Variants in TBC1D12 observed in about 807,000 individuals in gnomAD.
TBC1D12 encodes TBC1 domain family member 12.
In TBC1D12, 56 loss-of-function variants were observed where a neutral mutation model predicts 86.7. That is an observed-to-expected ratio of 0.65 (90% CI 0.52 to 0.81). The LOEUF is 0.81. Ranked by LOEUF, TBC1D12 falls within the 30% of genes least tolerant of loss-of-function variation. The probability of loss-of-function intolerance (pLI) is 0.00; values close to 1 mark genes in which losing one functional copy is unlikely to be tolerated. For missense variants in TBC1D12, 1,023 were observed against 1,038.8 expected, an observed-to-expected ratio of 0.98 and a Z score of 0.21; for synonymous variants, 421 against 411.7, an observed-to-expected ratio of 1.02 and a Z score of -0.27.
chr10:94,478,488 A>G (rs1165138670), intron 3 of TBC1D12, among the ~76,000 whole-genome samples: 1 of 152,106 alleles, frequency 6.6e-6, no homozygotes, highest in Non-Finnish European at 1.5e-5. Flanking sequence ...GCAGGGGCAG[A>G]CCATGAGGTC....
At chr10:94,513,308 C>A (rs2134209957) in intron 9 of TBC1D12, among the ~76,000 whole-genome samples, 1 of 151,372 alleles carries the variant, frequency 6.6e-6, no homozygotes, top group Non-Finnish European at 1.5e-5. Context: ...TAAATCCCAG[C>A]ACTTTGGGAG....
rs1037395408 is a variant in TBC1D12, at chr10:94,535,687, G to C, written c.*2591G>C. On this transcript the variant is annotated 3_prime_UTR_variant, in exon 13 of 13. Transcript: ENST00000225235. ...CCTTGGTATTGGTATCCTTGATAGA[G>C]GGAATATAACATCTGGCAGTAATCT... is the stretch of plus-strand genomic sequence containing the variant. 1 of 152,138 alleles carries C rather than the reference G, an allele frequency of 6.6e-6. No individual in the cohort carries two copies. Among genetic ancestry groups the C allele is most frequent in the Non-Finnish European group, 1.5e-5 (1 of 67,996 alleles). 9.4% of individuals were successfully genotyped at this position (152,138 alleles called of 1,614,324 possible).
intron 2 of TBC1D12, among the ~76,000 whole-genome samples, chr10:94,464,009 T>C (rs1320507377): frequency 6.6e-6 from 1 of 152,174 alleles, no homozygotes; most frequent in Non-Finnish European, 1.5e-5. Flanking sequence ...CAATGATATG[T>C]CCTTTTTGCT....
At chr10:94,467,587 T>G (rs1013356615) in intron 2 of TBC1D12, among the ~76,000 whole-genome samples, 1 of 152,234 alleles carries the variant, frequency 6.6e-6, no homozygotes, top group Non-Finnish European at 1.5e-5. Context: ...TATATAAATA[T>G]TTAATACAAT....
At chr10:94,476,609 A>G (rs1435189756) in intron 3 of TBC1D12, among the ~76,000 whole-genome samples, 1 of 152,216 alleles carries the variant, frequency 6.6e-6, no homozygotes, top group Non-Finnish European at 1.5e-5. Flanking sequence ...GAGTACGTAG[A>G]TAAGTTCCCA....
At position 94,535,396 on chromosome 10, in the gene TBC1D12, C is replaced by A. The variant is rs1370763826; in HGVS notation, c.*2300C>A. 2 of 152,032 alleles carry A rather than the reference C, an allele frequency of 1.3e-5. No homozygotes were observed. The highest frequency in any genetic ancestry group is 1.5e-5 in the Non-Finnish European group (1 of 68,006). The allele number at this position is 152,032 out of a possible 1,614,324, so 9.4% of individuals were successfully genotyped here. A position where few individuals can be genotyped will look rare whatever the true frequency, so the allele number is the denominator to read the frequency against. The stretch of plus-strand genomic sequence containing the variant: ...GAAACAACACTTAAGCACACTATTT[C>A]TGTTAGTGTATATAGTTTTCAAACT... On this transcript the variant is annotated 3_prime_UTR_variant, in exon 13 of 13. Coordinates refer to ENST00000225235, the MANE Select transcript of TBC1D12 (RefSeq NM_015188.2).
At chr10:94,502,071 G>A (rs951829981) in intron 6 of TBC1D12, among the ~76,000 whole-genome samples, 6 of 151,500 alleles carry the variant, frequency 4.0e-5, no homozygotes, top group Admixed American at 2.6e-4. Context: ...GGTGGCTCAC[G>A]CCTGTAATCC....
At chr10:94,491,673 C>A (rs929720247) in intron 3 of TBC1D12, among the ~76,000 whole-genome samples, 1 of 152,154 alleles carries the variant, frequency 6.6e-6, no homozygotes, top group Non-Finnish European at 1.5e-5. Context: ...CTCCATCCTG[C>A]TAGGGACATG....
In TBC1D12 at chr10:94,447,265, T is replaced by C. The variant is rs148073175; in HGVS notation, c.1095+5246T>C. Among the ~76,000 whole-genome samples the C allele has an allele frequency of 3.3e-3, 496 of 152,172 alleles. 14 individuals carry two copies. The highest frequency in any genetic ancestry group is 0.023 in the East Asian group (119 of 5,168). On this transcript the variant is annotated intron_variant, in intron 2 of 12. Transcript: ENST00000225235. ...TATATATTTTGCATATGTGGAATTA[T>C]ATGTTTTTTTCTATTTCAAGAATGA...
intron 9 of TBC1D12, among the ~76,000 whole-genome samples, chr10:94,518,328 C>G (rs1317238303): frequency 6.6e-6 from 1 of 152,010 alleles, no homozygotes; most frequent in Non-Finnish European, 1.5e-5. Context: ...GTTCTCCTGC[C>G]TCAGCCTCCT....
intron 1 of TBC1D12, among the ~76,000 whole-genome samples, chr10:94,415,706 C>A (rs1048753478): frequency 2.6e-5 from 4 of 152,012 alleles, no homozygotes; most frequent in African/African-American, 9.7e-5. Flanking sequence ...TGCACTCCAG[C>A]CTGGGCACTC....
chr10:94,529,540 C>A (rs1407292811), intron 11 of TBC1D12, among the ~76,000 whole-genome samples: 1 of 152,106 alleles, frequency 6.6e-6, no homozygotes, highest in Non-Finnish European at 1.5e-5. Flanking sequence ...ATCGCTTGAA[C>A]CCCGGAGGTG....
intron 6 of TBC1D12, 111 bp from the exon 7 acceptor site, chr10:94,507,156 T>C: frequency 2.0e-6 from 2 of 1,002,606 alleles, no homozygotes; most frequent in South Asian, 1.5e-5. Context: ...TTTTTGATGC[T>C]TGCTACATCA....
At chr10:94,491,201 T>TA (rs377682614) in intron 3 of TBC1D12, among the ~76,000 whole-genome samples, 104 of 152,312 alleles carry the variant, frequency 6.8e-4, no homozygotes, top group African/African-American at 2.3e-3. Flanking sequence ...GGGGAAAGGG[T>TA]AAACCTGGTT....
In TBC1D12 at chr10:94,474,721, A is replaced by T. The variant is rs1173289924; in HGVS notation, c.1149A>T (p.Arg383Ser). Reference protein sequence around the residue: ...RTCKPPPQSSRRKNFEFEPLS... With the variant: ...RTCKPPPQSSSRKNFEFEPLS... The stretch of plus-strand genomic sequence containing the variant: ...GTAAACCACCACCTCAGTCTTCAAG[A>T]CGCAAGAATTTTGAATTTGAGCCGC... Residue 383 changes from arginine to serine, a missense_variant, in exon 3 of 13, where the codon AGA becomes AGT. Transcript: ENST00000225235. 1 of 1,614,108 alleles carries T rather than the reference A, an allele frequency of 6.2e-7. No individual in the cohort carries two copies. The highest frequency in any genetic ancestry group is 1.7e-5 in the Admixed American group (1 of 59,994).
intron 1 of TBC1D12, among the ~76,000 whole-genome samples, chr10:94,439,521 C>T (rs1332351989): frequency 6.6e-6 from 1 of 152,076 alleles, no homozygotes; most frequent in Non-Finnish European, 1.5e-5. Flanking sequence ...CAGGTTGAGG[C>T]TGCAGGTTCA....
intron 2 of TBC1D12, 48 bp downstream of exon 2, chr10:94,442,067 C>A (rs759375207): frequency 1.3e-5 from 18 of 1,396,058 alleles, no homozygotes; most frequent in South Asian, 2.9e-5. Flanking sequence ...TTCAAGCATT[C>A]TTCTTCTTCT....
intron 2 of TBC1D12, among the ~76,000 whole-genome samples, chr10:94,448,637 T>G (rs2055505915): frequency 1.3e-5 from 2 of 152,236 alleles, no homozygotes; most frequent in South Asian, 4.2e-4. Flanking sequence ...CCACCATGCC[T>G]GGCTAATTTT....
intron 2 of TBC1D12, among the ~76,000 whole-genome samples, chr10:94,453,512 T>C (rs2055583006): frequency 6.6e-6 from 1 of 152,144 alleles, no homozygotes. Flanking sequence ...AATTTATAAA[T>C]TTATAAAGTT....
Sources: gnomAD v4.1 joint callset for allele counts (sites outside exome capture counted in the v4.1 genomes callset) on GRCh38, gnomAD v4.1.1 for gene constraint, MANE v1.5 for transcripts, NCBI Gene and HGNC (gene_info 2026-07-23, HGNC 2026-07-21) for gene names.